Variants in DNAH11 observed in about 807,000 individuals in gnomAD.
DNAH11 encodes dynein axonemal heavy chain 11.
DNAH11 carries 442 observed loss-of-function variants against 526.0 expected under a neutral mutation model. The ratio of observed to expected loss-of-function variants is 0.84; its 90% CI spans 0.78 to 0.91. The LOEUF is 0.91. Ranked by LOEUF, DNAH11 falls within the 40% of genes least tolerant of loss-of-function variation. The pLI is 0.00. For missense variants in DNAH11, 6,989 were observed against 5,448.7 expected, an observed-to-expected ratio of 1.28 and a Z score of -8.90; for synonymous variants, 2,461 against 1,935.9, an observed-to-expected ratio of 1.27 and a Z score of -7.12.
At chr7:21,627,388 C>T (rs1348553265) in intron 25 of DNAH11, among the ~76,000 whole-genome samples, 7 of 152,214 alleles carry the variant, frequency 4.6e-5, no homozygotes, top group Non-Finnish European at 1.0e-4. Flanking sequence ...CCAGTGTTTT[C>T]TTCTAGTAGT....
chr7:21,784,057 C>T (rs1247768893), intron 57 of DNAH11, among the ~76,000 whole-genome samples: 1 of 152,186 alleles, frequency 6.6e-6, no homozygotes, highest in South Asian at 2.1e-4. Context: ...GTCTAGGTTA[C>T]TAAGCTAGCC....
chr7:21,617,798 T>G, intron 23 of DNAH11, 21 bp downstream of exon 23: 1 of 1,554,430 alleles, frequency 6.4e-7, no homozygotes, highest in East Asian at 2.3e-5. Flanking sequence ...TTGGTCTCAC[T>G]AATGAACCTT....
intron 29 of DNAH11, among the ~76,000 whole-genome samples, chr7:21,657,405 A>G (rs1247601767): frequency 1.3e-5 from 2 of 152,160 alleles, no homozygotes; most frequent in African/African-American, 2.4e-5. Flanking sequence ...AGAAGTGCCA[A>G]AAAGGGAAGG....
At chr7:21,772,437 C>T (rs1461934603) in intron 55 of DNAH11, among the ~76,000 whole-genome samples, 1 of 150,288 alleles carries the variant, frequency 6.7e-6, no homozygotes, top group Non-Finnish European at 1.5e-5. Flanking sequence ...TATGTGTGTA[C>T]CTTTAGTTCC....
intron 63 of DNAH11, among the ~76,000 whole-genome samples, chr7:21,814,349 AT>A (rs923471274): frequency 1.7e-4 from 25 of 143,282 alleles, no homozygotes; most frequent in South Asian, 8.6e-4. Flanking sequence ...TTATTTATTT[AT>A]TTTTTTTTTA....
At chr7:21,698,751 A>G (rs1176909260) in intron 36 of DNAH11, among the ~76,000 whole-genome samples, 3 of 151,956 alleles carry the variant, frequency 2.0e-5, no homozygotes, top group Non-Finnish European at 4.4e-5. Flanking sequence ...TATTTTTGCA[A>G]TTGCAAATTG....
At chr7:21,849,858 A>G (rs1449257404) in intron 66 of DNAH11, among the ~76,000 whole-genome samples, 2 of 152,060 alleles carry the variant, frequency 1.3e-5, no homozygotes, top group Admixed American at 1.3e-4. Context: ...GGTATCTTTC[A>G]TTAATTTTGA....
intron 46 of DNAH11, among the ~76,000 whole-genome samples, chr7:21,737,190 C>G (rs1021273708): frequency 6.6e-6 from 1 of 152,146 alleles, no homozygotes; most frequent in Admixed American, 6.5e-5. Flanking sequence ...TAAGCAAAGA[C>G]ATGGAAGAGA....
In DNAH11 at chr7:21,894,985, T is replaced by C. The variant is rs545264816; in HGVS notation, c.13035T>C (p.Tyr4345=). The C allele has an allele frequency of 3.3e-5, 54 of 1,613,948 alleles. No homozygotes were observed. The African/African-American group carries it at 3.6e-4, about 11-fold the overall frequency. ...GCAAACTGGCTTATCCTTCTACTTATGGCCTAGCCCAGTGGTAAGCTACCC... is the reference window on the plus strand; with the variant it reads ...GCAAACTGGCTTATCCTTCTACTTACGGCCTAGCCCAGTGGTAAGCTACCC... The part of the protein sequence containing the change: ...TWSKLAYPST[Y]GLAQWFNDLL... The change falls in exon 79 of 82, where the codon TAT becomes TAC. Residue 4345 remains tyrosine, a synonymous_variant. Coordinates refer to ENST00000409508, the MANE Select transcript of DNAH11 (RefSeq NM_001277115.2).
At chr7:21,705,562 A>G (rs1210399108) in intron 39 of DNAH11, 25 bp downstream of exon 39, 1 of 1,600,488 alleles carries the variant, frequency 6.2e-7, no homozygotes, top group Non-Finnish European at 8.6e-7. Context: ...CTAATAGCTT[A>G]CAGCTATGGA....
intron 71 of DNAH11, 132 bp downstream of exon 71, chr7:21,866,795 A>C: frequency 1.0e-6 from 1 of 996,338 alleles, no homozygotes; most frequent in Middle Eastern, 2.7e-4. Context: ...AGATTTTGAT[A>C]TTATAATCAC....
intron 71 of DNAH11, among the ~76,000 whole-genome samples, chr7:21,867,205 C>G (rs528576212): frequency 5.7e-4 from 87 of 152,318 alleles, no homozygotes; most frequent in African/African-American, 2.0e-3. Flanking sequence ...TTAATTCACA[C>G]AAGTCTCATT....
intron 42 of DNAH11, among the ~76,000 whole-genome samples, chr7:21,714,356 C>A (rs1006129413): frequency 5.3e-5 from 8 of 152,086 alleles, no homozygotes; most frequent in African/African-American, 1.9e-4. Flanking sequence ...AGGTCATTTT[C>A]CAAAATAATG....
At chr7:21,749,463 A>G (rs1171549431) in intron 52 of DNAH11, among the ~76,000 whole-genome samples, 3 of 152,154 alleles carry the variant, frequency 2.0e-5, no homozygotes. Flanking sequence ...TAAGCCAGAA[A>G]CACGACACTC....
chr7:21,808,823 T>G (rs781439467), intron 63 of DNAH11, among the ~76,000 whole-genome samples: 3 of 152,214 alleles, frequency 2.0e-5, no homozygotes, highest in Non-Finnish European at 4.4e-5. Context: ...TTGGCTATTG[T>G]GAATAGTGAT....
Position 21,725,953 on chromosome 7 carries a change from A to AGT in DNAH11, c.7410_7411dup (p.Phe2471CysfsTer37). 1 of 1,557,614 alleles carries AGT rather than the reference A, an allele frequency of 6.4e-7. No homozygotes were observed. Among genetic ancestry groups the AGT allele is most frequent in the Non-Finnish European group, 8.7e-7 (1 of 1,149,804 alleles). ...TTGCCCTGGGCTGACAAAATTGCCC[A>AGT]GTTTACTATGGATCCAGATGTGCCT... On this transcript the variant is annotated frameshift_variant, in exon 45 of 82. Transcript: ENST00000409508. LOFTEE classifies it high-confidence loss of function.
chr7:21,581,024 A>G (rs1453086844), intron 8 of DNAH11, among the ~76,000 whole-genome samples: 2 of 152,198 alleles, frequency 1.3e-5, no homozygotes, highest in Non-Finnish European at 2.9e-5. Flanking sequence ...GTAAGAGGTG[A>G]GTTAATCATG....
intron 8 of DNAH11, among the ~76,000 whole-genome samples, chr7:21,579,355 A>G (rs1784224786): frequency 1.3e-5 from 2 of 152,350 alleles, no homozygotes; most frequent in South Asian, 4.1e-4. Flanking sequence ...TGAAAGAAAA[A>G]TAAACCTGGC....
intron 2 of DNAH11, among the ~76,000 whole-genome samples, chr7:21,548,281 C>A (rs1782880229): frequency 6.6e-6 from 1 of 152,138 alleles, no homozygotes; most frequent in Non-Finnish European, 1.5e-5. Flanking sequence ...TTTTCTCAGG[C>A]TATTTGGCTG....
Sources: allele counts gnomAD v4.1 joint callset (sites outside exome capture counted in the v4.1 genomes callset), GRCh38; gene constraint gnomAD v4.1.1; transcripts MANE v1.5; gene names NCBI Gene and HGNC (gene_info 2026-07-23, HGNC 2026-07-21).